Variants in NMNAT3 observed in about 807,000 individuals in gnomAD.
The protein encoded by NMNAT3 is nicotinamide nucleotide adenylyltransferase 3.
Under a neutral mutation model 24.8 loss-of-function variants are expected in NMNAT3, and 21 were observed. The observed-to-expected ratio is 0.85, with a 90% confidence interval of 0.60 to 1.22. The LOEUF (loss-of-function observed/expected upper bound fraction) is 1.22, where lower values mean the gene tolerates loss of function less well. Ranked by LOEUF, NMNAT3 falls within the 50% of genes most tolerant of loss-of-function variation. The probability of loss-of-function intolerance (pLI) is 0.00; values close to 1 mark genes in which losing one functional copy is unlikely to be tolerated. For synonymous variants in NMNAT3, 136 were observed against 155.2 expected (o/e 0.88, Z 0.92); for missense variants, 387 against 436.6 (o/e 0.89, Z 1.01).
At chr3:139,573,972 CA>C (rs371167978) in intron 5 of NMNAT3, among the ~76,000 whole-genome samples, 2,690 of 146,664 alleles carry the variant, frequency 0.018, 77 homozygotes, top group African/African-American at 0.063. Flanking sequence ...CAATATTTCT[CA>C]AAAAAAAAAG....
chr3:139,583,836 A>G (rs1427183481), intron 3 of NMNAT3, among the ~76,000 whole-genome samples: 1 of 152,272 alleles, frequency 6.6e-6, no homozygotes, highest in Non-Finnish European at 1.5e-5. Flanking sequence ...AGCTCTGCCC[A>G]AGCCCGAGCC....
At chr3:139,676,380 G>T (rs2057930332) in intron 1 of NMNAT3, among the ~76,000 whole-genome samples, 1 of 152,216 alleles carries the variant, frequency 6.6e-6, no homozygotes, top group South Asian at 2.1e-4. Context: ...CCTTAGCAAG[G>T]TCCCAGCATA....
At chr3:139,589,512 A>G (rs1438389322) in intron 3 of NMNAT3, among the ~76,000 whole-genome samples, 2 of 152,244 alleles carry the variant, frequency 1.3e-5, no homozygotes, top group Non-Finnish European at 2.9e-5. Flanking sequence ...TCTTGAATCC[A>G]GGAGACAGTG....
intron 1 of NMNAT3, among the ~76,000 whole-genome samples, chr3:139,676,248 G>C (rs1319708142): frequency 1.3e-5 from 2 of 152,162 alleles, no homozygotes; most frequent in Non-Finnish European, 2.9e-5. Flanking sequence ...ACAATGTTGT[G>C]AACAGAGCCA....
chr3:139,588,729 AT>A (rs934487309), intron 3 of NMNAT3, among the ~76,000 whole-genome samples: 8 of 152,164 alleles, frequency 5.3e-5, no homozygotes, highest in African/African-American at 1.9e-4. Flanking sequence ...TTATCCTCCC[AT>A]TGTGGCAGAA....
chr3:139,576,353 A>G, intron 5 of NMNAT3: 2 of 775,332 alleles, frequency 2.6e-6, no homozygotes, highest in Non-Finnish European at 3.1e-6. Context: ...AATCTTAATC[A>G]GCATTTGATA....
At chr3:139,639,906 G>T (rs2108352284) in intron 1 of NMNAT3, among the ~76,000 whole-genome samples, 1 of 152,292 alleles carries the variant, frequency 6.6e-6, no homozygotes, top group African/African-American at 2.4e-5. Context: ...AGATGCTGAG[G>T]AGATACTAGA....
chr3:139,646,485 C>A (rs112934155), intron 1 of NMNAT3, among the ~76,000 whole-genome samples: 1 of 152,178 alleles, frequency 6.6e-6, no homozygotes, highest in African/African-American at 2.4e-5. Context: ...ATGAGGCAAC[C>A]AACATCTCCC....
At chr3:139,668,878 AT>A (rs1405582540) in intron 1 of NMNAT3, among the ~76,000 whole-genome samples, 1 of 152,244 alleles carries the variant, frequency 6.6e-6, no homozygotes, top group Non-Finnish European at 1.5e-5. Flanking sequence ...TATGGAATGC[AT>A]CTTGGACCAT....
chr3:139,658,591 C>T (rs894051073), intron 1 of NMNAT3, among the ~76,000 whole-genome samples: 3 of 152,180 alleles, frequency 2.0e-5, no homozygotes, highest in Non-Finnish European at 4.4e-5. Flanking sequence ...TATTCACCAC[C>T]TAGATTCTAC....
At chr3:139,615,331 C>G (rs1479263449) in intron 3 of NMNAT3, among the ~76,000 whole-genome samples, 1 of 152,138 alleles carries the variant, frequency 6.6e-6, no homozygotes. Context: ...ATTATGGCTA[C>G]TGGGGTACAA....
At chr3:139,609,654 C>A (rs919765931) in intron 3 of NMNAT3, 1 of 33,860 alleles carries the variant, frequency 3.0e-5, no homozygotes, top group Non-Finnish European at 9.8e-5. Context: ...TTGCAACTTA[C>A]TTGTTTTTTT....
At chr3:139,606,908 T>C (rs996222118) in intron 3 of NMNAT3, among the ~76,000 whole-genome samples, 1 of 152,136 alleles carries the variant, frequency 6.6e-6, no homozygotes, top group Non-Finnish European at 1.5e-5. Flanking sequence ...CTCCTGTGGC[T>C]TTTTTACATT....
chr3:139,627,274 A>G (rs913865904), intron 3 of NMNAT3, among the ~76,000 whole-genome samples: 3 of 152,118 alleles, frequency 2.0e-5, no homozygotes, highest in Non-Finnish European at 4.4e-5. Context: ...GGCACATGCT[A>G]CCTATTCATC....
chr3:139,660,476 A>G (rs9856521), intron 1 of NMNAT3, among the ~76,000 whole-genome samples: 17,195 of 152,230 alleles, frequency 0.11, 1,080 homozygotes, highest in Non-Finnish European at 0.14. Flanking sequence ...GTTTGCAGAT[A>G]CATTGATCTT....
At chr3:139,589,147 G>T (rs1416325209) in intron 3 of NMNAT3, among the ~76,000 whole-genome samples, 4 of 152,316 alleles carry the variant, frequency 2.6e-5, no homozygotes, top group African/African-American at 9.6e-5. Flanking sequence ...TTGTATGCAG[G>T]ATTTGCAGGA....
intron 3 of NMNAT3, 114 bp downstream of exon 4, chr3:139,627,502 G>A (rs2056104326): frequency 1.7e-6 from 1 of 590,240 alleles, no homozygotes; most frequent in Admixed American, 3.1e-5. Flanking sequence ...TATGCCACTA[G>A]TTATGCTGTG....
intron 4 of NMNAT3, among the ~76,000 whole-genome samples, chr3:139,580,329 G>A (rs532074447): frequency 1.4e-4 from 21 of 152,246 alleles, no homozygotes; most frequent in African/African-American, 3.9e-4. Context: ...TGCCATGTTG[G>A]CTAGGCTGGT....
chr3:139,603,578 T>G, intron 3 of NMNAT3, among the ~76,000 whole-genome samples: 1 of 151,986 alleles, frequency 6.6e-6, no homozygotes. Context: ...TGATTCCCAC[T>G]ACCACTATCA....
Sources: allele counts gnomAD v4.1 joint callset (sites outside exome capture counted in the v4.1 genomes callset), GRCh38; gene constraint gnomAD v4.1.1; transcripts MANE v1.5; gene names NCBI Gene and HGNC (gene_info 2026-07-23, HGNC 2026-07-21).